ASAH2: variants seen among roughly 807,000 people sequenced by gnomAD.
The protein encoded by ASAH2 is N-acylsphingosine amidohydrolase 2.
Under a neutral mutation model 82.9 loss-of-function variants are expected in ASAH2, and 58 were observed. That is an observed-to-expected ratio of 0.70 (90% confidence interval 0.57 to 0.87). The LOEUF is 0.87. ASAH2 is among the 40% of genes least tolerant of loss of function. The pLI is 0.00. For missense variants in ASAH2, 779 were observed against 834.0 expected (o/e 0.93, Z 0.81); for synonymous variants, 276 against 289.7 (o/e 0.95, Z 0.48).
At chr10:50,238,669 G>T (rs1441966273) in intron 4 of ASAH2, among the ~76,000 whole-genome samples, 1 of 152,112 alleles carries the variant, frequency 6.6e-6, no homozygotes, top group Admixed American at 6.6e-5. Context: ...AGGTAGTAGA[G>T]AAAAAGAGCC....
chr10:50,206,539 C>T (rs1230210797), intron 12 of ASAH2, among the ~76,000 whole-genome samples: 1 of 140,832 alleles, frequency 7.1e-6, no homozygotes, highest in African/African-American at 2.9e-5. Flanking sequence ...TAGTTATCTA[C>T]ACACACACAC....
At position 50,235,919 on chromosome 10, in the gene ASAH2, G is replaced by C. The variant is rs1846147381; in HGVS notation, c.656C>G (p.Thr219Ser). 4 of 1,613,352 alleles carry C rather than the reference G, an allele frequency of 2.5e-6. No homozygotes were observed. The highest frequency in any genetic ancestry group is 3.4e-6 in the Non-Finnish European group (4 of 1,179,438). Residue 219 changes from threonine (T) to serine (S), a missense_variant, in exon 5 of 21, where the codon ACT becomes AGT. Thr to Ser is a moderately conservative substitution (Grantham distance 58). Coordinates refer to ENST00000682911, the MANE Select transcript of ASAH2 (RefSeq NM_019893.4). ...GATACCAGTGACCATGTGCTGAAAA[G>C]TTTGATTGCTAAATCCTTCACTGGC... Reference protein sequence around the residue: ...VIASEGFSNQTFQHMVTGILK... With the variant: ...VIASEGFSNQSFQHMVTGILK...
chr10:50,203,845 C>T (rs1163754053), intron 14 of ASAH2, among the ~76,000 whole-genome samples, 166 bp from the exon 15 acceptor site: 2 of 151,910 alleles, frequency 1.3e-5, no homozygotes, highest in Non-Finnish European at 2.9e-5. Context: ...TTTTTTCTGC[C>T]TGTCCTAGCT....
intron 9 of ASAH2, 92 bp downstream of exon 9, chr10:50,214,651 A>C: frequency 6.6e-7 from 1 of 1,514,666 alleles, no homozygotes; most frequent in Non-Finnish European, 9.2e-7. Context: ...GTATACTAGA[A>C]GACAAGGTAT....
chr10:50,208,720 A>G (rs1207733183), intron 12 of ASAH2, among the ~76,000 whole-genome samples: 1 of 152,166 alleles, frequency 6.6e-6, no homozygotes, highest in Non-Finnish European at 1.5e-5. Context: ...AATATTGTTA[A>G]GATGGCAATA....
chr10:50,233,354 T>C lies in ASAH2; in HGVS notation c.816-93A>G, dbSNP rs1484856008. On this transcript the variant is annotated intron_variant, in intron 6 of 20. Coordinates refer to ENST00000682911, the MANE Select transcript of ASAH2 (RefSeq NM_019893.4). Reference sequence around the variant, plus strand: ...GTAGCAGCTGACACAAAAACAAAAATGCCTCTCAGTAAGTGAGATGTCTTG... The same window carrying C: ...GTAGCAGCTGACACAAAAACAAAAACGCCTCTCAGTAAGTGAGATGTCTTG... 6.9e-6 allele frequency: 6 copies of C among 867,454 alleles called. No individual in the cohort carries two copies. The African/African-American group carries it at 1.0e-4, about 14-fold the overall frequency. 53.7% of individuals were successfully genotyped at this position (867,454 alleles called of 1,614,324 possible). A position where few individuals can be genotyped will look rare whatever the true frequency, so the allele number is the denominator to read the frequency against.
In ASAH2 at chr10:50,228,135, G is replaced by A. The variant is rs1030886208; in HGVS notation, c.893+5049C>T. Among the ~76,000 whole-genome samples, 1,292 of 152,166 alleles carry A rather than the reference G, an allele frequency of 8.5e-3. 10 individuals carry two copies. The highest frequency in any genetic ancestry group is 0.027 in the Middle Eastern group (8 of 294). ...GGCCAGGAGTTCAACACCAGTCTAA[G>A]CAACATAGCAAGACCCTGTCTCTAT... On this transcript the variant is annotated intron_variant, in intron 7 of 20. Coordinates refer to ENST00000682911, the MANE Select transcript of ASAH2 (RefSeq NM_019893.4).
rs1210694265 is a variant in ASAH2, at chr10:50,245,423, T to G, written c.159A>C (p.Gln53His). 1.2e-6 allele frequency: 2 copies of G among 1,613,582 alleles called. No homozygotes were observed. The highest frequency in any genetic ancestry group is 2.2e-5 in the South Asian group (2 of 91,034). Residue 53 changes from glutamine (Q) to histidine (H), a missense_variant, in exon 3 of 21, where the codon CAA (glutamine) becomes CAC (histidine). Transcript: ENST00000682911. ...TGGAGCCCTGGGTGGCTGGAGGGCTTTGGGTGGTTGAAAAAAAATGGCCTC... is the reference window on the plus strand; with the variant it reads ...TGGAGCCCTGGGTGGCTGGAGGGCTGTGGGTGGTTGAAAAAAAATGGCCTC... Reference protein sequence around the residue: ...DLGGHFFSTTQSPPATQGSTA... With the variant: ...DLGGHFFSTTHSPPATQGSTA...
chr10:50,220,872 G>A (rs1419885801), intron 7 of ASAH2, among the ~76,000 whole-genome samples: 1 of 137,650 alleles, frequency 7.3e-6, no homozygotes, highest in Non-Finnish European at 1.6e-5. Flanking sequence ...GTGAGGGGAA[G>A]GATAAAACAG....
intron 4 of ASAH2, among the ~76,000 whole-genome samples, chr10:50,241,324 T>C (rs931218645): frequency 1.8e-4 from 27 of 152,206 alleles, no homozygotes; most frequent in African/African-American, 6.0e-4. Flanking sequence ...AATAGACAAT[T>C]ACTATCCCAC....
intron 12 of ASAH2, among the ~76,000 whole-genome samples, chr10:50,207,544 T>C (rs1845332362): frequency 6.6e-6 from 1 of 151,490 alleles, no homozygotes; most frequent in African/African-American, 2.4e-5. Context: ...TAAGTAGTTG[T>C]ACGCTAACAA....
At chr10:50,214,982 G>A in intron 8 of ASAH2, 114 bp from the exon 9 acceptor site, 8 of 1,317,538 alleles carry the variant, frequency 6.1e-6, no homozygotes, top group Admixed American at 4.4e-5. Flanking sequence ...TCATTTGCAG[G>A]CAATAAAAAG....
chr10:50,236,309 A>C (rs1846157505), intron 4 of ASAH2, among the ~76,000 whole-genome samples: 2 of 152,112 alleles, frequency 1.3e-5, no homozygotes, highest in African/African-American at 2.4e-5. Flanking sequence ...AGGGGAAGCA[A>C]ATATGTCCTC....
At chr10:50,217,217 CTT>C (rs1479967230) in intron 8 of ASAH2, among the ~76,000 whole-genome samples, 1 of 143,166 alleles carries the variant, frequency 7.0e-6, no homozygotes, top group African/African-American at 2.5e-5. Flanking sequence ...CCTAGTTCCT[CTT>C]GTTTTCTTTC....
At chr10:50,240,834 G>A (rs1315380486) in intron 4 of ASAH2, among the ~76,000 whole-genome samples, 1 of 152,100 alleles carries the variant, frequency 6.6e-6, no homozygotes, top group African/African-American at 2.4e-5. Flanking sequence ...AATCCCTATT[G>A]GTGATCTTAA....
chr10:50,231,109 C>G (rs1230575788), intron 7 of ASAH2, among the ~76,000 whole-genome samples: 1 of 151,792 alleles, frequency 6.6e-6, no homozygotes, highest in Admixed American at 6.6e-5. Flanking sequence ...GGTCCTTCAG[C>G]CAAGAGTAAA....
chr10:50,195,956 G>A (rs2669792), intron 18 of ASAH2, among the ~76,000 whole-genome samples: 20 of 151,526 alleles, frequency 1.3e-4, no homozygotes, highest in South Asian at 2.1e-4. Flanking sequence ...CATTTAGACA[G>A]AGGGAATAAG....
At chr10:50,215,758 C>A (rs1482883521) in intron 8 of ASAH2, among the ~76,000 whole-genome samples, 4 of 152,132 alleles carry the variant, frequency 2.6e-5, no homozygotes, top group African/African-American at 9.7e-5. Flanking sequence ...TGCGATGATT[C>A]CTCAAGGATC....
intron 8 of ASAH2, among the ~76,000 whole-genome samples, chr10:50,215,643 T>C (rs1845572344): frequency 2.0e-5 from 3 of 152,160 alleles, no homozygotes; most frequent in Non-Finnish European, 2.9e-5. Flanking sequence ...GCCTCTGTTC[T>C]GTTCCAATGG....
Sources: allele counts gnomAD v4.1 joint callset (sites outside exome capture counted in the v4.1 genomes callset), GRCh38; gene constraint gnomAD v4.1.1; transcripts MANE v1.5; gene names NCBI Gene and HGNC (gene_info 2026-07-23, HGNC 2026-07-21).